The following WDR43 variants were observed in gnomAD, a reference collection of about 807,000 sequenced individuals.
WDR43 encodes the protein WD repeat domain 43, also known as WD repeat-containing protein 43.
Under a neutral mutation model 91.4 loss-of-function variants are expected in WDR43, and 13 were observed. That is an observed-to-expected ratio of 0.14 (90% CI 0.09 to 0.23). The LOEUF (loss-of-function observed/expected upper bound fraction) is 0.23, where lower values mean the gene tolerates loss of function less well. Among genes scored for constraint, WDR43 ranks in the 10% least tolerant of loss-of-function variants. WDR43 has a pLI of 1.00. For synonymous variants in WDR43, 331 were observed against 287.9 expected, an observed-to-expected ratio of 1.15 and a Z score of -1.51; for missense variants, 780 against 809.4, an observed-to-expected ratio of 0.96 and a Z score of 0.44.
chr2:28,933,277 A>G (rs929109417), intron 11 of WDR43, among the ~76,000 whole-genome samples: 1 of 152,206 alleles, frequency 6.6e-6, no homozygotes, highest in Non-Finnish European at 1.5e-5. Flanking sequence ...GATATTGGTG[A>G]AAAAATAAAT....
Position 28,910,668 on chromosome 2 carries a change from T to C in WDR43, c.486-1922T>C, listed in dbSNP as rs537376639. Among the ~76,000 whole-genome samples the C allele has an allele frequency of 3.4e-3, 397 of 115,828 alleles. 1 individual carries two copies. The highest frequency in any genetic ancestry group is 0.011 in the African/African-American group (375 of 34,080). 76.0% of individuals were successfully genotyped at this position (115,828 alleles called of 152,430 possible). A position where few individuals can be genotyped will look rare whatever the true frequency, so the allele number is the denominator to read the frequency against. On this transcript the variant is annotated intron_variant, in intron 3 of 17. Coordinates refer to ENST00000407426, the MANE Select transcript of WDR43 (RefSeq NM_015131.3). ...CATATATATACAGATAACGTGCGTGTGTGTGTGTAAATATATATATATATA... is the reference window on the plus strand; with the variant it reads ...CATATATATACAGATAACGTGCGTGCGTGTGTGTAAATATATATATATATA...
At chr2:28,927,986 C>G (rs1490453062) in intron 10 of WDR43, 11 of 291,548 alleles carry the variant, frequency 3.8e-5, no homozygotes, top group Non-Finnish European at 5.9e-5. Context: ...CCAGGACTTG[C>G]TGTGATGACT....
intron 14 of WDR43, among the ~76,000 whole-genome samples, chr2:28,940,566 A>G (rs1436734022): frequency 6.6e-6 from 1 of 152,202 alleles, no homozygotes; most frequent in Admixed American, 6.5e-5. Context: ...ATGGGAGGAA[A>G]ATTAACCAGA....
intron 10 of WDR43, 51 bp from the exon 11 acceptor site, chr2:28,929,528 C>A: frequency 7.0e-7 from 1 of 1,423,848 alleles, no homozygotes; most frequent in Non-Finnish European, 9.2e-7. Flanking sequence ...TGTCTCCAAA[C>A]TACTTTAAGT....
intron 10 of WDR43, 78 bp from the exon 11 acceptor site, chr2:28,929,501 T>C: frequency 8.0e-7 from 1 of 1,243,614 alleles, no homozygotes. Context: ...TTTTATTTTA[T>C]TTTATTTTAT....
chr2:28,931,974 C>T (rs2148194933), intron 11 of WDR43, among the ~76,000 whole-genome samples: 1 of 149,480 alleles, frequency 6.7e-6, no homozygotes, highest in African/African-American at 2.5e-5. Flanking sequence ...CTCCTGGGCT[C>T]AAGTGATCCT....
intron 5 of WDR43, among the ~76,000 whole-genome samples, chr2:28,915,311 A>G (rs1670884385): frequency 6.6e-6 from 1 of 152,290 alleles, no homozygotes; most frequent in Admixed American, 6.5e-5. Flanking sequence ...AGAAGAGCCA[A>G]TGGAGATAAA....
chr2:28,906,433 A>AT (rs1199068591), intron 2 of WDR43, 27 bp from the exon 3 acceptor site: 1 of 1,453,226 alleles, frequency 6.9e-7, no homozygotes, highest in Admixed American at 2.3e-5. Flanking sequence ...ACCAGCCTTA[A>AT]ATTTTTTTTT....
intron 3 of WDR43, among the ~76,000 whole-genome samples, chr2:28,912,171 C>A (rs1670814879): frequency 6.6e-6 from 1 of 152,134 alleles, no homozygotes; most frequent in Non-Finnish European, 1.5e-5. Context: ...TAATTAAAGG[C>A]CAGCCTTCCA....
At chr2:28,946,019 T>C (rs1359867748) in intron 16 of WDR43, among the ~76,000 whole-genome samples, 1 of 152,156 alleles carries the variant, frequency 6.6e-6, no homozygotes, top group Admixed American at 6.5e-5. Flanking sequence ...AGGAATAATA[T>C]AATGAATATA....
chr2:28,912,730 T>C lies in WDR43; in HGVS notation c.606+20T>C, dbSNP rs757322291. The C allele has an allele frequency of 1.2e-6, 2 of 1,609,218 alleles. No individual in the cohort carries two copies. Among genetic ancestry groups the C allele is most frequent in the South Asian group, 2.2e-5 (2 of 90,504 alleles). ...TACAGGGTGAGCGAATCAAATTATT[T>C]GTAAGCATAAAAATTATAGAGTAAA... On this transcript the variant is annotated intron_variant, in intron 4 of 17. Coordinates refer to ENST00000407426, the MANE Select transcript of WDR43 (RefSeq NM_015131.3).
At chr2:28,929,482 G>A (rs1671200801) in intron 10 of WDR43, 97 bp from the exon 11 acceptor site, 1 of 1,163,184 alleles carries the variant, frequency 8.6e-7, no homozygotes, top group Non-Finnish European at 1.1e-6. Context: ...GGGTTGAGGT[G>A]TAAATCTATT....
intron 2 of WDR43, among the ~76,000 whole-genome samples, chr2:28,903,915 G>T (rs779507909): frequency 6.6e-6 from 1 of 151,946 alleles, no homozygotes; most frequent in South Asian, 2.1e-4. Context: ...AGTGATTTTC[G>T]TGCCTCAGCC....
intron 3 of WDR43, among the ~76,000 whole-genome samples, chr2:28,912,257 G>A (rs572970151): frequency 1.3e-5 from 2 of 152,226 alleles, no homozygotes; most frequent in Non-Finnish European, 2.9e-5. Context: ...CTGGACATTC[G>A]CAAAGTTCAT....
intron 11 of WDR43, among the ~76,000 whole-genome samples, chr2:28,931,077 C>CTTTT (rs777986889): frequency 3.6e-5 from 5 of 137,812 alleles, no homozygotes; most frequent in Non-Finnish European, 6.3e-5. Context: ...TTTATTTCTG[C>CTTTT]TTTTTTTTTT....
In WDR43 at chr2:28,921,989, C is replaced by T. The variant is rs182433399; in HGVS notation, c.850-930C>T. On this transcript the variant is annotated intron_variant, in intron 6 of 17. Transcript: ENST00000407426. ...TCGGCCAAAGTGCTGGGATTACAGG[C>T]CTGAGCCACTGTGTCTGGCCCTCCC... Among the ~76,000 whole-genome samples the T allele has an allele frequency of 1.3e-3, 202 of 152,250 alleles. 1 individual carries two copies. Among genetic ancestry groups the T allele is most frequent in the Non-Finnish European group, 2.4e-3 (160 of 68,010 alleles).
chr2:28,899,773 G>A (rs1458851550), intron 1 of WDR43, among the ~76,000 whole-genome samples: 1 of 152,050 alleles, frequency 6.6e-6, no homozygotes, highest in East Asian at 1.9e-4. Flanking sequence ...TACACTTCTG[G>A]TCTGATGTGT....
At chr2:28,933,516 A>G (rs1281894572) in intron 11 of WDR43, among the ~76,000 whole-genome samples, 1 of 152,234 alleles carries the variant, frequency 6.6e-6, no homozygotes, top group Non-Finnish European at 1.5e-5. Flanking sequence ...AATGTTAAAG[A>G]AAAAATTGGT....
intron 11 of WDR43, 138 bp downstream of exon 11, chr2:28,929,848 A>G: frequency 1.1e-5 from 10 of 925,450 alleles, no homozygotes; most frequent in South Asian, 1.7e-5. Flanking sequence ...TTAGTCAAAC[A>G]TGTATCACTT....
Sources: allele counts gnomAD v4.1 joint callset (sites outside exome capture counted in the v4.1 genomes callset), GRCh38; gene constraint gnomAD v4.1.1; transcripts MANE v1.5; gene names NCBI Gene and HGNC (gene_info 2026-07-23, HGNC 2026-07-21).